The following HYCC2 variants were observed in gnomAD, a reference collection of about 807,000 sequenced individuals.
HYCC2 encodes the protein hyccin PI4KA lipid kinase complex subunit 2.
chr2:201,009,304 AT>A, the HYCC2 span: 6 of 382,902 alleles, frequency 1.6e-5, no homozygotes, highest in Middle Eastern at 8.0e-4. Context: ...AACTAAAAAC[AT>A]TTTTTAAAAG....
chr2:201,049,386 A>G, the HYCC2 span, among the ~76,000 whole-genome samples: 8 of 151,770 alleles, frequency 5.3e-5, no homozygotes, highest in Admixed American at 3.9e-4. Flanking sequence ...GTCTCGCTCT[A>G]TCGCCCAGGC....
the HYCC2 span, among the ~76,000 whole-genome samples, chr2:201,017,710 A>C: frequency 6.2e-4 from 94 of 152,306 alleles, no homozygotes; most frequent in African/African-American, 2.2e-3. Flanking sequence ...ACAGTCAAAA[A>C]TTCTGTACAT....
At chr2:201,001,719 C>T in the HYCC2 span, among the ~76,000 whole-genome samples, 1 of 151,938 alleles carries the variant, frequency 6.6e-6, no homozygotes, top group Non-Finnish European at 1.5e-5. Flanking sequence ...TGCCGCCAGG[C>T]TAGAGTGCAG....
chr2:201,033,651 G>C, the HYCC2 span, among the ~76,000 whole-genome samples: 1 of 151,782 alleles, frequency 6.6e-6, no homozygotes, highest in Non-Finnish European at 1.5e-5. Context: ...TGATCTGCCC[G>C]CCTCGGCCTC....
the HYCC2 span, among the ~76,000 whole-genome samples, chr2:201,070,451 G>C: frequency 1.7e-3 from 257 of 152,070 alleles, no homozygotes; most frequent in African/African-American, 5.0e-3. Context: ...TCCGGAGTTC[G>C]AGACCAGCCT....
the HYCC2 span, among the ~76,000 whole-genome samples, chr2:201,013,141 T>C: frequency 1.1e-4 from 16 of 152,100 alleles, no homozygotes; most frequent in East Asian, 1.9e-3. Flanking sequence ...ATATGGTAAG[T>C]AGTCAGAGAC....
the HYCC2 span, chr2:201,017,123 T>G: frequency 6.2e-7 from 1 of 1,613,958 alleles, no homozygotes; most frequent in African/African-American, 1.3e-5. Context: ...GTCGAACCTC[T>G]GAGCTACGAT....
chr2:201,065,326 C>T, the HYCC2 span, among the ~76,000 whole-genome samples: 1 of 152,122 alleles, frequency 6.6e-6, no homozygotes, highest in African/African-American at 2.4e-5. Flanking sequence ...TATAGATGCA[C>T]TATAGTCTAT....
chr2:201,042,497 G>A, the HYCC2 span, among the ~76,000 whole-genome samples: 9 of 150,484 alleles, frequency 6.0e-5, no homozygotes, highest in East Asian at 7.9e-4. Context: ...CCGCGACCCC[G>A]TCTGGGAACT....
chr2:200,988,485 T>C, the HYCC2 span: 1 of 1,232,082 alleles, frequency 8.1e-7, no homozygotes, highest in Non-Finnish European at 1.1e-6. Context: ...TTATACTACA[T>C]GTGTCCATAA....
At chr2:201,006,590 T>C in the HYCC2 span, among the ~76,000 whole-genome samples, 1 of 152,122 alleles carries the variant, frequency 6.6e-6, no homozygotes, top group Non-Finnish European at 1.5e-5. Context: ...CTCCTGCTTT[T>C]AGAACTTAAT....
At chr2:200,992,779 T>C in the HYCC2 span, 4 of 742,870 alleles carry the variant, frequency 5.4e-6, no homozygotes, top group Non-Finnish European at 9.1e-6. Flanking sequence ...GATAAGCCCA[T>C]CATGGAACAA....
At chr2:200,999,401 T>C in the HYCC2 span, among the ~76,000 whole-genome samples, 1 of 152,072 alleles carries the variant, frequency 6.6e-6, no homozygotes, top group African/African-American at 2.4e-5. Flanking sequence ...TTTTTTTTTT[T>C]TGAGACAGAG....
the HYCC2 span, among the ~76,000 whole-genome samples, chr2:200,982,255 C>T: frequency 6.6e-6 from 1 of 151,740 alleles, no homozygotes; most frequent in Non-Finnish European, 1.5e-5. Context: ...AACTTTTCCC[C>T]TCATACCTTC....
At chr2:200,981,244 C>A in the HYCC2 span, 2 of 1,602,712 alleles carry the variant, frequency 1.2e-6, no homozygotes, top group Middle Eastern at 1.7e-4. This position sits in a 1 kb window ranked among gnomAD's most constrained non-coding sequence, Gnocchi z 4.5. Flanking sequence ...AAAAGGTAAG[C>A]AGAAAGATGA....
chr2:201,058,665 T>C, the HYCC2 span, among the ~76,000 whole-genome samples: 50 of 152,322 alleles, frequency 3.3e-4, 1 homozygote, highest in Non-Finnish European at 1.3e-4. Context: ...GATTGCACCA[T>C]TGGCCTCCAG....
At chr2:201,042,302 G>A in the HYCC2 span, among the ~76,000 whole-genome samples, 3 of 152,034 alleles carry the variant, frequency 2.0e-5, no homozygotes, top group Non-Finnish European at 4.4e-5. Context: ...ATCTCGGATC[G>A]CTACAACCTA....
chr2:200,991,354 G>T, the HYCC2 span, among the ~76,000 whole-genome samples: 1 of 152,022 alleles, frequency 6.6e-6, no homozygotes, highest in Non-Finnish European at 1.5e-5. Flanking sequence ...TGGATCACGA[G>T]GTCAGGAGAT....
At chr2:201,026,049 T>A in the HYCC2 span, among the ~76,000 whole-genome samples, 1 of 152,112 alleles carries the variant, frequency 6.6e-6, no homozygotes, top group Non-Finnish European at 1.5e-5. Context: ...GGCCCATAAG[T>A]ATGCTGTATT....
Sources: allele counts gnomAD v4.1 joint callset (sites outside exome capture counted in the v4.1 genomes callset), GRCh38; gene constraint gnomAD v4.1.1; non-coding constraint Gnocchi (gnomAD v3.1); transcripts MANE v1.5; gene names NCBI Gene and HGNC (gene_info 2026-07-23, HGNC 2026-07-21).